Variants in TEC observed in about 807,000 individuals in gnomAD.
TEC encodes tyrosine-protein kinase Tec.
Under a neutral mutation model 93.0 loss-of-function variants are expected in TEC, and 72 were observed. The ratio of observed to expected loss-of-function variants is 0.77; its 90% CI spans 0.64 to 0.94. TEC has a LOEUF of 0.94. Among genes scored for constraint, TEC ranks in the 40% least tolerant of loss-of-function variants. The pLI is 0.00. For synonymous variants in TEC, 249 were observed against 247.7 expected (o/e 1.01, Z -0.05); for missense variants, 630 against 757.9 (o/e 0.83, Z 1.98).
intron 3 of TEC, among the ~76,000 whole-genome samples, chr4:48,173,303 C>G (rs187981716): frequency 1.3e-5 from 2 of 152,066 alleles, no homozygotes; most frequent in East Asian, 1.9e-4. Context: ...CGCCTCCCCC[C>G]ACCAAAAAAA....
intron 2 of TEC, among the ~76,000 whole-genome samples, chr4:48,192,996 C>T (rs1201000616): frequency 6.6e-6 from 1 of 152,090 alleles, no homozygotes; most frequent in Non-Finnish European, 1.5e-5. Context: ...GGCAACCTGG[C>T]ACCTAGCAGG....
chr4:48,185,411 C>T (rs1721780600), intron 2 of TEC, among the ~76,000 whole-genome samples: 1 of 152,178 alleles, frequency 6.6e-6, no homozygotes, highest in Admixed American at 6.5e-5. Flanking sequence ...TTACATAGAG[C>T]TTTCTAAGAG....
chr4:48,266,191 T>A (rs1724634761), intron 1 of TEC, among the ~76,000 whole-genome samples: 1 of 152,224 alleles, frequency 6.6e-6, no homozygotes. Context: ...CCTCTAGGCA[T>A]CCTATTCCAG....
chr4:48,184,803 ACAC>A (rs1298545725), intron 2 of TEC, among the ~76,000 whole-genome samples: 5 of 150,918 alleles, frequency 3.3e-5, no homozygotes, highest in Non-Finnish European at 5.9e-5. Context: ...ACACACACAC[ACAC>A]ATTAAATATT....
chr4:48,199,887 T>A (rs1722442385), intron 2 of TEC, among the ~76,000 whole-genome samples: 1 of 152,210 alleles, frequency 6.6e-6, no homozygotes, highest in South Asian at 2.1e-4. Flanking sequence ...TGTAGATGTA[T>A]CATTTCAACT....
At chr4:48,174,866 CTGATTA>C (rs1487504051) in intron 3 of TEC, among the ~76,000 whole-genome samples, 3 of 152,160 alleles carry the variant, frequency 2.0e-5, no homozygotes, top group Non-Finnish European at 4.4e-5. Context: ...TTACCTTGCT[CTGATTA>C]TATGTCAAAG....
chr4:48,210,970 C>A (rs1446516095), intron 2 of TEC, among the ~76,000 whole-genome samples: 1 of 152,182 alleles, frequency 6.6e-6, no homozygotes, highest in Non-Finnish European at 1.5e-5. Flanking sequence ...CACTTACCTA[C>A]CAGGACCTAT....
chr4:48,179,363 TATATATATATATA>T (rs1411060172), intron 2 of TEC, among the ~76,000 whole-genome samples: 1,046 of 41,210 alleles, frequency 0.025, 19 homozygotes, highest in South Asian at 0.042. Context: ...TATATATATA[TATATATATATATA>T]TTTTTTTTTT....
chr4:48,213,063 T>C (rs1322558425), intron 2 of TEC, among the ~76,000 whole-genome samples: 1 of 152,242 alleles, frequency 6.6e-6, no homozygotes, highest in Non-Finnish European at 1.5e-5. Flanking sequence ...TATTTTACAA[T>C]CTTATGAGTA....
At chr4:48,174,503 A>G (rs1721242930) in intron 3 of TEC, among the ~76,000 whole-genome samples, 1 of 152,128 alleles carries the variant, frequency 6.6e-6, no homozygotes, top group Non-Finnish European at 1.5e-5. Flanking sequence ...TACTAAAAAT[A>G]CAAAAATTAG....
chr4:48,250,560 C>T (rs559031631), intron 1 of TEC, among the ~76,000 whole-genome samples: 1 of 152,302 alleles, frequency 6.6e-6, no homozygotes, highest in South Asian at 2.1e-4. Flanking sequence ...TTTGTTTCTA[C>T]TTCCTCTCTT....
chr4:48,230,038 G>A (rs1723600113), intron 1 of TEC, among the ~76,000 whole-genome samples: 1 of 151,860 alleles, frequency 6.6e-6, no homozygotes, highest in African/African-American at 2.4e-5. Context: ...TCGCACCATT[G>A]CACTCCAGCC....
Position 48,145,174 on chromosome 4 carries a change from C to A in TEC, c.1375G>T (p.Gly459Cys). ...CLLNFLRQRQ[G>C]HFSRDVLLSM... ...AGCAGTACGTCTCTACTGAAATGAC[C>A]TTGTCTCTGTCGGAGGAAATTCAGA... is the stretch of plus-strand genomic sequence containing the variant. The change falls in exon 14 of 18, where the codon GGT becomes TGT. Residue 459 changes from glycine (G) to cysteine (C), a missense_variant. Physicochemically the swap from Gly to Cys is radical, Grantham distance 159. This residue lies in a region of TEC where 289 missense variants were observed against 390.0 expected (regional missense o/e 0.74). Transcript: ENST00000381501. 6.2e-7 allele frequency: 1 copy of A among 1,614,132 alleles called. No homozygotes were observed. The highest frequency in any genetic ancestry group is 8.5e-7 in the Non-Finnish European group (1 of 1,180,016).
At chr4:48,147,539 A>C (rs1719967090) in intron 11 of TEC, among the ~76,000 whole-genome samples, 1 of 152,152 alleles carries the variant, frequency 6.6e-6, no homozygotes, top group African/African-American at 2.4e-5. Flanking sequence ...TTTTTTCCTT[A>C]ACATCGTTAT....
intron 1 of TEC, among the ~76,000 whole-genome samples, chr4:48,268,356 T>C (rs930911889): frequency 1.3e-5 from 2 of 152,204 alleles, no homozygotes; most frequent in East Asian, 3.8e-4. Context: ...GTACACACCC[T>C]TGTGAGAAGA....
intron 1 of TEC, among the ~76,000 whole-genome samples, chr4:48,260,617 A>AG (rs1371055509): frequency 2.1e-4 from 12 of 55,892 alleles, no homozygotes; most frequent in Non-Finnish European, 4.0e-4. Flanking sequence ...AACAAAAAAA[A>AG]AGAAAAAAAA....
intron 2 of TEC, among the ~76,000 whole-genome samples, chr4:48,204,780 A>T (rs1441287978): frequency 6.6e-6 from 1 of 152,156 alleles, no homozygotes; most frequent in Non-Finnish European, 1.5e-5. Context: ...GCCAACACTG[A>T]TCTGAAAGGA....
At chr4:48,181,479 C>T (rs1303987682) in intron 2 of TEC, among the ~76,000 whole-genome samples, 1 of 151,810 alleles carries the variant, frequency 6.6e-6, no homozygotes, top group Non-Finnish European at 1.5e-5. Context: ...TCAAGACCAG[C>T]CTGGCCAACA....
At chr4:48,229,379 A>G (rs1723581647) in intron 1 of TEC, among the ~76,000 whole-genome samples, 1 of 152,240 alleles carries the variant, frequency 6.6e-6, no homozygotes, top group African/African-American at 2.4e-5. Context: ...TTAAAATTCA[A>G]CACAATTTAA....
Sources: gnomAD v4.1 joint callset for allele counts (sites outside exome capture counted in the v4.1 genomes callset) on GRCh38, gnomAD v4.1.1 for gene constraint, gnomAD v4.1.1 regional missense constraint, MANE v1.5 for transcripts, NCBI Gene and HGNC (gene_info 2026-07-23, HGNC 2026-07-21) for gene names.